Variants in PATJ observed in about 807,000 individuals in gnomAD.
The protein encoded by PATJ is PATJ crumbs cell polarity complex component.
PATJ carries 190 observed loss-of-function variants against 224.9 expected under a neutral mutation model. The observed-to-expected ratio is 0.84, with a 90% CI of 0.75 to 0.95. The LOEUF (loss-of-function observed/expected upper bound fraction) is 0.95, where lower values mean the gene tolerates loss of function less well. Ranked by LOEUF, PATJ falls within the 40% of genes least tolerant of loss-of-function variation. PATJ has a pLI of 0.00. For missense variants in PATJ, 2,121 were observed against 2,270.3 expected (o/e 0.93, Z 1.34); for synonymous variants, 769 against 820.3 (o/e 0.94, Z 1.07).
At chr1:62,111,948 C>A (rs1396116168) in intron 34 of PATJ, among the ~76,000 whole-genome samples, 1 of 151,472 alleles carries the variant, frequency 6.6e-6, no homozygotes, top group African/African-American at 2.4e-5. Context: ...GCATGAGCCA[C>A]CGCGCCCAGC....
chr1:61,790,913 T>G (rs1172318549), intron 8 of PATJ, among the ~76,000 whole-genome samples: 3 of 152,308 alleles, frequency 2.0e-5, no homozygotes, highest in African/African-American at 4.8e-5. Context: ...TCATTCAGAT[T>G]GTTGGCAGAT....
In PATJ at chr1:61,833,783, C is replaced by T; in HGVS notation, c.2110C>T (p.Gln704Ter). The T allele has an allele frequency of 6.2e-7, 1 of 1,612,590 alleles. No individual in the cohort carries two copies. Among genetic ancestry groups the T allele is most frequent in the Non-Finnish European group, 8.5e-7 (1 of 1,179,200 alleles). ...TTTGGGATTCAGCATTTTGGATTAC[C>T]AGGTATAAGAACCTGTGTAGAGGTG... Reference protein sequence around the residue: ...KGLGFSILDYQDPLDPTRSVI... With the variant: ...KGLGFSILDY The change falls in exon 17 of 44, where the codon CAG becomes TAG. Residue 704 changes from glutamine to a stop codon, truncating the protein, a stop_gained and splice_region_variant. Transcript: ENST00000642238. LOFTEE classifies it high-confidence loss of function.
In PATJ at chr1:61,927,749, C is replaced by T. The variant is rs751883289; in HGVS notation, c.3590C>T (p.Pro1197Leu). Residue 1197 changes from proline (P) to leucine (L), a missense_variant, in exon 27 of 44, where the codon CCG becomes CTG. Pro to Leu is a moderately conservative substitution (Grantham distance 98). Transcript: ENST00000642238. ...CTTCAGAGGCAAGGAACTGCTCCAC[C>T]GCCAATGAAACTTCCTCCTCCTTAT... ...KKEKRQGTAP[P>L]PMKLPPPYKA... is the part of the protein sequence containing the mutation. 7.4e-6 allele frequency: 12 copies of T among 1,613,034 alleles called. No individual in the cohort carries two copies. Among genetic ancestry groups the T allele is most frequent in the South Asian group, 2.2e-5 (2 of 90,944 alleles).
chr1:62,038,908 T>G (rs1650952489), intron 30 of PATJ: 1 of 932,712 alleles, frequency 1.1e-6, no homozygotes, highest in South Asian at 1.3e-5. Flanking sequence ...TGGAGTCCTG[T>G]GCACAGATTC....
At position 61,914,703 on chromosome 1, in the gene PATJ, T is replaced by A. The variant is rs771972040; in HGVS notation, c.3570+39T>A. On this transcript the variant is annotated intron_variant, in intron 26 of 43. Coordinates refer to ENST00000642238, the MANE Select transcript of PATJ (RefSeq NM_001350145.3). Reference sequence around the variant, plus strand: ...CTCAAGGATTTAAAAAATGTTTTTGTTTTGTTTTTGTTTTTGTTTTCCATA... The same window carrying A: ...CTCAAGGATTTAAAAAATGTTTTTGATTTGTTTTTGTTTTTGTTTTCCATA... The A allele has an allele frequency of 7.0e-5, 87 of 1,238,158 alleles. No homozygotes were observed. The South Asian group carries it at 1.1e-3, about 16-fold the overall frequency. The allele number at this position is 1,238,158 out of a possible 1,614,324, so 76.7% of individuals were successfully genotyped here.
At chr1:61,742,944 T>A (rs946853120) in intron 1 of PATJ, among the ~76,000 whole-genome samples, 64 of 151,918 alleles carry the variant, frequency 4.2e-4, no homozygotes, top group African/African-American at 1.5e-3. Context: ...GGCCCACTGG[T>A]ATTCGGGGGT....
chr1:62,012,749 A>G (rs1176933690), intron 28 of PATJ, among the ~76,000 whole-genome samples: 1 of 152,236 alleles, frequency 6.6e-6, no homozygotes, highest in Non-Finnish European at 1.5e-5. Context: ...AAAACAAAAG[A>G]GAGACCTCTC....
At chr1:62,150,610 G>A (rs1668517897) in intron 42 of PATJ, among the ~76,000 whole-genome samples, 2 of 141,606 alleles carry the variant, frequency 1.4e-5, no homozygotes, top group Non-Finnish European at 3.0e-5. Flanking sequence ...CCAGGAGTTT[G>A]AGGCTGCAAC....
rs1257256888 is a variant in PATJ, at chr1:61,864,606, GC to G, written c.2810del (p.Pro937ArgfsTer9). ...GGACTGTCTATTCCCAGGAGGCACAGCCGTATGGCTATTGCCCTGAAAATGT... is the reference window on the plus strand; with the variant it reads ...GGACTGTCTATTCCCAGGAGGCACAGCGTATGGCTATTGCCCTGAAAATGT... ...GRTVYSQEAQ[P>X]YGYCPENVMK... is the part of the protein sequence containing the mutation. On this transcript the variant is annotated frameshift_variant, in exon 20 of 44. Coordinates refer to ENST00000642238, the MANE Select transcript of PATJ (RefSeq NM_001350145.3). LOFTEE classifies it high-confidence loss of function. The G allele has an allele frequency of 6.3e-7, 1 of 1,599,546 alleles. No homozygotes were observed.
chr1:61,900,641 G>C (rs888203129), intron 23 of PATJ, among the ~76,000 whole-genome samples: 6 of 152,136 alleles, frequency 3.9e-5, no homozygotes, highest in Admixed American at 2.6e-4. Flanking sequence ...CCGGGCTGGA[G>C]TGCAGTGGCG....
Position 62,114,153 on chromosome 1 carries a change from C to G in PATJ, c.4562C>G (p.Ala1521Gly), listed in dbSNP as rs775352463. The change falls in exon 35 of 44, where the codon GCA becomes GGA. Residue 1521 changes from alanine to glycine, a missense_variant. Transcript: ENST00000642238. ...KVRLVVYRDE[A>G]HYRDEENLEI... ...CGGCTGGTGGTGTATAGAGATGAGG[C>G]ACACTACCGGGATGAGGAGAACTTG... The G allele has an allele frequency of 6.2e-7, 1 of 1,614,028 alleles. No homozygotes were observed. The highest frequency in any genetic ancestry group is 1.1e-5 in the South Asian group (1 of 91,062).
intron 17 of PATJ, among the ~76,000 whole-genome samples, chr1:61,843,811 A>C (rs531603925): frequency 1.3e-5 from 2 of 152,154 alleles, no homozygotes; most frequent in South Asian, 2.1e-4. Context: ...AATGATGATA[A>C]TGATAATGAA....
chr1:61,749,113 A>T (rs1287138546), intron 1 of PATJ, among the ~76,000 whole-genome samples: 1 of 149,786 alleles, frequency 6.7e-6, no homozygotes, highest in Non-Finnish European at 1.5e-5. Context: ...AGTAGCTGGG[A>T]TTCAGGTGCC....
At chr1:61,893,498 T>C (rs574710632) in intron 22 of PATJ, among the ~76,000 whole-genome samples, 1 of 150,726 alleles carries the variant, frequency 6.6e-6, no homozygotes, top group South Asian at 2.1e-4. Context: ...TTTTTTTTTT[T>C]TTCGCCAATT....
chr1:62,111,163 G>A (rs940291596), intron 34 of PATJ, among the ~76,000 whole-genome samples: 4 of 152,108 alleles, frequency 2.6e-5, no homozygotes, highest in African/African-American at 7.3e-5. Flanking sequence ...TATTTGTTAG[G>A]GCCTTTCGAA....
chr1:62,136,667 GTGTGT>G (rs1666923975), intron 41 of PATJ, among the ~76,000 whole-genome samples: 1 of 113,946 alleles, frequency 8.8e-6, no homozygotes, highest in African/African-American at 2.7e-5. Flanking sequence ...GTGTGTGTCT[GTGTGT>G]GTGTGTGTGT....
At chr1:61,824,234 T>G (rs143297292) in intron 15 of PATJ, among the ~76,000 whole-genome samples, 1 of 6,604 alleles carries the variant, frequency 1.5e-4, no homozygotes, top group East Asian at 0.25. Flanking sequence ...TTTAATTCAC[T>G]TTTTTTTTTT....
Position 61,978,671 on chromosome 1 carries a change from T to C in PATJ, c.3671-11497T>C, listed in dbSNP as rs146623182. On this transcript the variant is annotated intron_variant, in intron 27 of 43. Transcript: ENST00000642238. ...GAAGTTGGTTAGTGCATAAGAAAAA[T>C]TAGATTGAGATGTTTATTATACCTG... 8.4e-3 allele frequency among the ~76,000 whole-genome samples: 1,276 copies of C among 152,126 alleles called. 35 individuals carry two copies. Among genetic ancestry groups the C allele is most frequent in the African/African-American group, 0.029 (1,220 of 41,396 alleles).
intron 41 of PATJ, among the ~76,000 whole-genome samples, chr1:62,147,784 C>T (rs1234378246): frequency 1.4e-5 from 2 of 145,058 alleles, no homozygotes; most frequent in Admixed American, 6.9e-5. Context: ...GGTGACAGAG[C>T]GAGACTCCGA....
Sources: gnomAD v4.1 joint callset for allele counts (sites outside exome capture counted in the v4.1 genomes callset) on GRCh38, gnomAD v4.1.1 for gene constraint, MANE v1.5 for transcripts, NCBI Gene and HGNC (gene_info 2026-07-23, HGNC 2026-07-21) for gene names.